Variants in EFTUD2 observed in about 807,000 individuals in gnomAD.
EFTUD2 encodes elongation factor Tu GTP binding domain containing 2, also known as 116 kDa U5 small nuclear ribonucleoprotein component.
A neutral mutation model predicts 114.3 loss-of-function variants in EFTUD2; 9 were observed. The observed-to-expected ratio is 0.08, with a 90% CI of 0.05 to 0.14. The LOEUF (loss-of-function observed/expected upper bound fraction) is 0.14, where lower values mean the gene tolerates loss of function less well. Ranked by LOEUF, EFTUD2 falls within the 10% of genes least tolerant of loss-of-function variation. EFTUD2 has a pLI of 1.00. For missense variants in EFTUD2, 765 were observed against 1,241.2 expected (o/e 0.62, Z 5.76); for synonymous variants, 449 against 462.3 (o/e 0.97, Z 0.37).
intron 11 of EFTUD2, 37 bp from the exon 12 acceptor site, chr17:44,868,387 A>G (rs778341359): frequency 5.6e-6 from 9 of 1,605,718 alleles, no homozygotes; most frequent in Non-Finnish European, 6.8e-6. Flanking sequence ...TCTACCTAGC[A>G]AAGTGTCGTT....
chr17:44,860,149 A>G lies in EFTUD2; in HGVS notation c.1720-104T>C, dbSNP rs1382292280. The G allele has an allele frequency of 7.2e-6, 11 of 1,524,988 alleles. No homozygotes were observed. In the East Asian group the frequency reaches 2.3e-4, roughly 31 times the overall value. The allele number at this position is 1,524,988 out of a possible 1,614,324, so 94.5% of individuals were successfully genotyped here. On this transcript the variant is annotated intron_variant, in intron 17 of 27. Coordinates refer to ENST00000426333, the MANE Select transcript of EFTUD2 (RefSeq NM_004247.4). ...GGACTTGCTTAGGATCAGACTATGT[A>G]TTCCCCAACCAGGAGCCTGGTGCTG...
intron 2 of EFTUD2, among the ~76,000 whole-genome samples, chr17:44,890,633 A>G (rs1176485984): frequency 6.8e-6 from 1 of 147,782 alleles, no homozygotes; most frequent in African/African-American, 2.5e-5. Flanking sequence ...TGGAGGTTAC[A>G]GTGAGCCGAG....
Position 44,852,390 on chromosome 17 carries a change from G to T in EFTUD2, c.2715+19C>A. 6.2e-7 allele frequency: 1 copy of T among 1,613,596 alleles called. No homozygotes were observed. Among genetic ancestry groups the T allele is most frequent in the East Asian group, 2.2e-5 (1 of 44,882 alleles). On this transcript the variant is annotated intron_variant, in intron 26 of 27. Transcript: ENST00000426333. ...CAGAGGTGGGAAGCCAAGTCCGCCA[G>T]CCTGCATTGCTTTCTCACCTGCCAG...
intron 6 of EFTUD2, among the ~76,000 whole-genome samples, chr17:44,882,689 G>T (rs2051094392): frequency 6.6e-6 from 1 of 152,176 alleles, no homozygotes; most frequent in Non-Finnish European, 1.5e-5. Context: ...ATCTGGCAGG[G>T]TTTGAACATT....
At chr17:44,876,520 C>T (rs1471443176) in intron 9 of EFTUD2, among the ~76,000 whole-genome samples, 1 of 152,110 alleles carries the variant, frequency 6.6e-6, no homozygotes, top group Non-Finnish European at 1.5e-5. Context: ...CAATGTACCC[C>T]AGTAGCAATG....
chr17:44,857,327 C>A, intron 19 of EFTUD2, 170 bp from the exon 20 acceptor site: 1 of 548,642 alleles, frequency 1.8e-6, no homozygotes. Context: ...CTGTCCAAAT[C>A]ATCACCAAAA....
At chr17:44,859,301 C>G (rs1325862553) in intron 18 of EFTUD2, 120 bp from the exon 19 acceptor site, 15 of 718,664 alleles carry the variant, frequency 2.1e-5, no homozygotes, top group South Asian at 1.9e-4. Flanking sequence ...TACTTAGCAT[C>G]TGTTCCAGCC....
chr17:44,886,777 C>A, intron 2 of EFTUD2, 27 bp from the exon 3 acceptor site: 3 of 1,600,728 alleles, frequency 1.9e-6, no homozygotes, highest in Admixed American at 1.7e-5. Flanking sequence ...GAGGGAGAAT[C>A]GAAGAGGCAC....
intron 10 of EFTUD2, among the ~76,000 whole-genome samples, chr17:44,874,339 T>C: frequency 6.6e-6 from 1 of 152,158 alleles, no homozygotes; most frequent in African/African-American, 2.4e-5. Context: ...GCTATCACGC[T>C]TGGCCTTCTT....
intron 27 of EFTUD2, 65 bp from the exon 28 acceptor site, chr17:44,851,434 C>G (rs778634820): frequency 3.7e-6 from 5 of 1,362,438 alleles, no homozygotes; most frequent in Non-Finnish European, 4.2e-6. Flanking sequence ...GGAGACTATC[C>G]AAGACCTGTG....
At chr17:44,862,951 G>C (rs376709374) in intron 15 of EFTUD2, 45 bp from the exon 16 acceptor site, 1 of 1,531,122 alleles carries the variant, frequency 6.5e-7, no homozygotes, top group African/African-American at 1.4e-5. Flanking sequence ...TCTATGCTCC[G>C]GGGAAGTACT....
chr17:44,886,744 C>G lies in EFTUD2; in HGVS notation c.112G>C (p.Asp38His). Residue 38 changes from aspartate (D) to histidine (H), a missense_variant, in exon 3 of 28, where the codon GAT becomes CAT. Asp to His is a moderately conservative substitution (Grantham distance 81, BLOSUM62 -1). Coordinates refer to ENST00000426333, the MANE Select transcript of EFTUD2 (RefSeq NM_004247.4). ...RETKDLDEMD[D>H]DDDDDDVGDH... is the part of the protein sequence containing the mutation. ...CCTACGTCATCGTCGTCGTCATCAT[C>G]ATCCATCTGAAAGCAAGAGGGAGAG... 6.2e-7 allele frequency: 1 copy of G among 1,613,334 alleles called. No homozygotes were observed. Among genetic ancestry groups the G allele is most frequent in the Non-Finnish European group, 8.5e-7 (1 of 1,179,770 alleles).
intron 5 of EFTUD2, 194 bp downstream of exon 5, chr17:44,883,455 T>C (rs1597819787): frequency 1.6e-6 from 1 of 626,608 alleles, no homozygotes; most frequent in Admixed American, 2.8e-5. Flanking sequence ...GCAAGTGGCT[T>C]AGGAACAGGC....
At chr17:44,883,779 G>C in intron 4 of EFTUD2, 55 bp from the exon 5 acceptor site, 1 of 1,569,772 alleles carries the variant, frequency 6.4e-7, no homozygotes, top group Non-Finnish European at 8.8e-7. Flanking sequence ...TCCAAATGAG[G>C]AGTGGTGTAA....
chr17:44,860,049 A>G lies in EFTUD2; in HGVS notation c.1720-4T>C. ...TCAAGGGTCGGAAAATCTGAGCCTGAGATCCAAAGCACAAAGGACTGAGGG... is the reference window on the plus strand; with the variant it reads ...TCAAGGGTCGGAAAATCTGAGCCTGGGATCCAAAGCACAAAGGACTGAGGG... On this transcript the variant is annotated splice_region_variant and splice_polypyrimidine_tract_variant and intron_variant, in intron 17 of 27. Transcript: ENST00000426333. 1 of 1,614,220 alleles carries G rather than the reference A, an allele frequency of 6.2e-7. No homozygotes were observed. The highest frequency in any genetic ancestry group is 8.5e-7 in the Non-Finnish European group (1 of 1,180,050).
At chr17:44,877,710 G>A (rs955315034) in intron 9 of EFTUD2, among the ~76,000 whole-genome samples, 4 of 151,750 alleles carry the variant, frequency 2.6e-5, no homozygotes, top group Non-Finnish European at 5.9e-5. Flanking sequence ...GGAGGCTGAG[G>A]CAGGAGAATC....
At chr17:44,897,784 C>T (rs2051418218) in intron 1 of EFTUD2, among the ~76,000 whole-genome samples, 1 of 152,128 alleles carries the variant, frequency 6.6e-6, no homozygotes, top group African/African-American at 2.4e-5. Context: ...CAGGCAGTCT[C>T]GAACTCTTGA....
intron 20 of EFTUD2, 70 bp downstream of exon 20, chr17:44,857,005 G>C: frequency 7.7e-7 from 1 of 1,292,894 alleles, no homozygotes; most frequent in South Asian, 1.2e-5. Context: ...GGTGGGGGTA[G>C]AGGTGGAAGA....
intron 3 of EFTUD2, 86 bp from the exon 4 acceptor site, chr17:44,885,420 G>C: frequency 1.1e-6 from 1 of 899,950 alleles, no homozygotes; most frequent in South Asian, 1.4e-5. Flanking sequence ...TGACCTTTCA[G>C]AATGTATGAT....
Sources: allele counts gnomAD v4.1 joint callset (sites outside exome capture counted in the v4.1 genomes callset), GRCh38; gene constraint gnomAD v4.1.1; transcripts MANE v1.5; gene names NCBI Gene and HGNC (gene_info 2026-07-23, HGNC 2026-07-21).